SLC8A1: variants seen among roughly 807,000 people sequenced by gnomAD.
The protein encoded by SLC8A1 is sodium/calcium exchanger 1.
In SLC8A1, 18 loss-of-function variants were observed where a neutral mutation model predicts 68.3. The ratio of observed to expected loss-of-function variants is 0.26; its 90% CI spans 0.18 to 0.39. The LOEUF (loss-of-function observed/expected upper bound fraction) is 0.39. Among genes scored for constraint, SLC8A1 ranks in the 10% least tolerant of loss-of-function variants. The probability of loss-of-function intolerance (pLI) is 1.00; values close to 1 mark genes in which losing one functional copy is unlikely to be tolerated. For missense variants in SLC8A1, 985 were observed against 1,156.7 expected (o/e 0.85, Z 2.15); for synonymous variants, 475 against 415.5 (o/e 1.14, Z -1.74).
intron 2 of SLC8A1, among the ~76,000 whole-genome samples, chr2:40,249,320 GA>G (rs1253888103): frequency 1.3e-5 from 2 of 152,012 alleles, no homozygotes; most frequent in East Asian, 3.9e-4. Flanking sequence ...AAAACCTTTT[GA>G]AATAAAGAGA....
chr2:40,436,998 C>G (rs148621182), intron 1 of SLC8A1, among the ~76,000 whole-genome samples: 224 of 152,210 alleles, frequency 1.5e-3, no homozygotes, highest in African/African-American at 4.8e-3. Flanking sequence ...GTCCCAGGTA[C>G]TGTGCTAATT....
chr2:40,168,498 A>G lies in SLC8A1; in HGVS notation c.1931-3514T>C, dbSNP rs1010012079. On this transcript the variant is annotated intron_variant, in intron 4 of 7. Transcript: ENST00000406785. Reference sequence around the variant, plus strand: ...GAGAAATGGCAGCTGTATAGATTCTATTATTGCTCTACAGTTATACTGATA... The same window carrying G: ...GAGAAATGGCAGCTGTATAGATTCTGTTATTGCTCTACAGTTATACTGATA... Among the ~76,000 whole-genome samples the G allele has an allele frequency of 5.3e-5, 8 of 152,190 alleles. No homozygotes were observed. In the South Asian group the frequency reaches 1.4e-3, roughly 28 times the overall value.
intron 2 of SLC8A1, among the ~76,000 whole-genome samples, chr2:40,413,045 C>T (rs1203586930): frequency 6.6e-6 from 1 of 152,162 alleles, no homozygotes; most frequent in East Asian, 1.9e-4. Flanking sequence ...AATGCTACCC[C>T]TCCTCCCTCT....
chr2:40,253,837 A>C lies in SLC8A1; in HGVS notation c.1809-75982T>G, dbSNP rs78426707. 3.7e-5 allele frequency among the ~76,000 whole-genome samples: 4 copies of C among 107,462 alleles called. No individual in the cohort carries two copies. The South Asian group carries it at 9.8e-4, about 26-fold the overall frequency. The allele number at this position is 107,462 out of a possible 152,430, so 70.5% of individuals were successfully genotyped here. On this transcript the variant is annotated intron_variant, in intron 2 of 7. Coordinates refer to ENST00000406785, the Ensembl canonical transcript of SLC8A1. ...GCCAAACTCTGTCTGTCTCCAAAAA[A>C]AAAAAAAAAAAAAAAAAAAGGCTAG...
At chr2:40,464,855 C>T (rs751700582) in intron 1 of SLC8A1, among the ~76,000 whole-genome samples, 2 of 152,130 alleles carry the variant, frequency 1.3e-5, no homozygotes, top group African/African-American at 2.4e-5. Context: ...GAGTCCATCT[C>T]AGTGGGGACA....
chr2:40,480,858 C>A (rs1185970290), intron 1 of SLC8A1, among the ~76,000 whole-genome samples: 1 of 152,198 alleles, frequency 6.6e-6, no homozygotes, highest in Non-Finnish European at 1.5e-5. Context: ...TTGAGACCAG[C>A]AGCCACTGAC....
intron 2 of SLC8A1, among the ~76,000 whole-genome samples, chr2:40,282,554 GC>G (rs1225410485): frequency 6.6e-6 from 1 of 152,160 alleles, no homozygotes; most frequent in African/African-American, 2.4e-5. Context: ...AATAGACCTT[GC>G]TCTCAAGAGA....
intron 1 of SLC8A1, among the ~76,000 whole-genome samples, chr2:40,490,093 T>A (rs1237451624): frequency 6.6e-6 from 1 of 152,116 alleles, no homozygotes; most frequent in Non-Finnish European, 1.5e-5. Context: ...TATGTAAGAT[T>A]TTCTTCCACC....
At chr2:40,259,132 C>T (rs1202888607) in intron 2 of SLC8A1, among the ~76,000 whole-genome samples, 2 of 152,136 alleles carry the variant, frequency 1.3e-5, no homozygotes, top group Admixed American at 6.5e-5. Context: ...TTCTGGATGG[C>T]TCAGAGTTGA....
At chr2:40,359,615 G>C (rs990834737) in intron 2 of SLC8A1, among the ~76,000 whole-genome samples, 5 of 152,092 alleles carry the variant, frequency 3.3e-5, no homozygotes, top group African/African-American at 1.2e-4. Context: ...AAGAGGAGTG[G>C]AAGGATTTGA....
intron 1 of SLC8A1, among the ~76,000 whole-genome samples, chr2:40,489,656 C>T (rs534324126): frequency 3.3e-4 from 50 of 152,120 alleles, no homozygotes; most frequent in African/African-American, 1.2e-3. Context: ...GAGAAGATAG[C>T]AGAAAGCTTG....
At chr2:40,478,899 G>A (rs1358881779) in intron 1 of SLC8A1, among the ~76,000 whole-genome samples, 1 of 151,832 alleles carries the variant, frequency 6.6e-6, no homozygotes, top group Non-Finnish European at 1.5e-5. Context: ...AGCCTCCCAA[G>A]TAGCTAGGAT....
intron 2 of SLC8A1, 74 bp from the exon 3 acceptor site, chr2:40,178,567 G>A: frequency 7.7e-7 from 1 of 1,297,196 alleles, no homozygotes; most frequent in Non-Finnish European, 1.1e-6. Flanking sequence ...GAAGAGGAAA[G>A]CAAGGTTAAC....
chr2:40,238,077 C>G (rs1323100805), intron 2 of SLC8A1, among the ~76,000 whole-genome samples: 1 of 152,316 alleles, frequency 6.6e-6, no homozygotes, highest in Admixed American at 6.5e-5. Flanking sequence ...TGCCCTGCCC[C>G]CAGAGGTGGA....
chr2:40,335,983 G>C (rs1319261289), intron 2 of SLC8A1, among the ~76,000 whole-genome samples: 1 of 152,208 alleles, frequency 6.6e-6, no homozygotes, highest in South Asian at 2.1e-4. Context: ...TCCATGAAGT[G>C]GGTAATGCTA....
chr2:40,423,130 T>C (rs758224098), intron 2 of SLC8A1, among the ~76,000 whole-genome samples: 22 of 152,248 alleles, frequency 1.4e-4, no homozygotes, highest in Non-Finnish European at 2.6e-4. Flanking sequence ...TAAAATCCCA[T>C]TATACAAAAT....
At chr2:40,178,595 A>C (rs1282279136) in intron 2 of SLC8A1, 102 bp from the exon 3 acceptor site, 1 of 945,664 alleles carries the variant, frequency 1.1e-6, no homozygotes, top group Non-Finnish European at 1.7e-6. Flanking sequence ...ACTTTCAGAC[A>C]AACAGTAATC....
At chr2:40,344,888 T>C (rs1201866033) in intron 2 of SLC8A1, among the ~76,000 whole-genome samples, 1 of 152,126 alleles carries the variant, frequency 6.6e-6, no homozygotes, top group Non-Finnish European at 1.5e-5. Context: ...AGGGTACATA[T>C]ACTTCCCCAC....
exon 8 of SLC8A1, chr2:40,112,194 T>C (rs566242067): frequency 6.6e-6 from 1 of 152,644 alleles, no homozygotes; most frequent in Non-Finnish European, 1.5e-5. Flanking sequence ...AAAAATGAAG[T>C]AGATGACAAT....
Sources: allele counts gnomAD v4.1 joint callset (sites outside exome capture counted in the v4.1 genomes callset), GRCh38; gene constraint gnomAD v4.1.1; transcripts MANE v1.5; gene names NCBI Gene and HGNC (gene_info 2026-07-23, HGNC 2026-07-21).